Variants in DNAJB5 observed in about 807,000 individuals in gnomAD.
The protein encoded by DNAJB5 is dnaJ homolog subfamily B member 5.
In DNAJB5, 12 loss-of-function variants were observed where a neutral mutation model predicts 32.6. The ratio of observed to expected loss-of-function variants is 0.37; its 90% CI spans 0.24 to 0.60. The LOEUF (loss-of-function observed/expected upper bound fraction) is 0.60. DNAJB5 is among the 20% of genes least tolerant of loss of function. The pLI, the probability that DNAJB5 is intolerant of heterozygous loss-of-function variation, is 0.71. For synonymous variants in DNAJB5, 188 were observed against 212.9 expected (o/e 0.88, Z 1.02); for missense variants, 358 against 554.2 (o/e 0.65, Z 3.55).
In DNAJB5 at chr9:34,990,888, T is replaced by C; in HGVS notation, c.182+76T>C. On this transcript the variant is annotated intron_variant, in intron 2 of 4. Coordinates refer to ENST00000682809, the MANE Select transcript of DNAJB5 (RefSeq NM_001349723.3). The surrounding 1 kb of genome is among the most constrained non-coding windows in gnomAD (Gnocchi z 4.5). ...CACGCGGCCATCCCCTCCATTGCCT[T>C]CCTGCTTCCTCCAACTCATCCTCAT... 7.0e-7 allele frequency: 1 copy of C among 1,419,654 alleles called. No homozygotes were observed. The highest frequency in any genetic ancestry group is 9.4e-7 in the Non-Finnish European group (1 of 1,058,886). 87.9% of individuals were successfully genotyped at this position (1,419,654 alleles called of 1,614,324 possible). A position where few individuals can be genotyped will look rare whatever the true frequency, so the allele number is the denominator to read the frequency against.
chr9:34,992,786 C>A, intron 2 of DNAJB5: 1 of 1,018,520 alleles, frequency 9.8e-7, no homozygotes, highest in Non-Finnish European at 1.2e-6. Flanking sequence ...TGAGGCGTGG[C>A]GTAGGAGACC....
Position 34,990,245 on chromosome 9 carries a change from G to T in DNAJB5, c.-132-254G>T. On this transcript the variant is annotated intron_variant, in intron 1 of 4. Coordinates refer to ENST00000682809, the MANE Select transcript of DNAJB5 (RefSeq NM_001349723.3). This position sits in a 1 kb window ranked among gnomAD's most constrained non-coding sequence, Gnocchi z 4.5. ...TGCGAGGGAGGAGACTCCCGTCAGT[G>T]ACTTCATTGAGTAGGTTCTTGGGGA... 1 of 1,331,528 alleles carries T rather than the reference G, an allele frequency of 7.5e-7. No homozygotes were observed. The highest frequency in any genetic ancestry group is 9.8e-7 in the Non-Finnish European group (1 of 1,023,132). 82.5% of individuals were successfully genotyped at this position (1,331,528 alleles called of 1,614,324 possible).
In DNAJB5 at chr9:34,990,110, C is replaced by A; in HGVS notation, c.-133+279C>A. Reference sequence around the variant, plus strand: ...GCGGAGGCATCTGTGAGCAGACCAGCCAGCCAGCGCGGGTGACATCACCGA... The same window carrying A: ...GCGGAGGCATCTGTGAGCAGACCAGACAGCCAGCGCGGGTGACATCACCGA... On this transcript the variant is annotated intron_variant, in intron 1 of 4. Coordinates refer to ENST00000682809, the MANE Select transcript of DNAJB5 (RefSeq NM_001349723.3). The surrounding 1 kb of genome is among the most constrained non-coding windows in gnomAD (Gnocchi z 4.5). The A allele has an allele frequency of 1.3e-6, 1 of 775,500 alleles. No individual in the cohort carries two copies. 48.0% of individuals were successfully genotyped at this position (775,500 alleles called of 1,614,324 possible).
chr9:34,991,304 G>C (rs1344464458), intron 2 of DNAJB5: 2 of 456,498 alleles, frequency 4.4e-6, no homozygotes, highest in Non-Finnish European at 4.4e-6. Flanking sequence ...CCTGTGGGTA[G>C]GGGGGAAGGG....
chr9:34,992,272 G>C (rs999655477), intron 2 of DNAJB5: 9 of 152,322 alleles, frequency 5.9e-5, no homozygotes, highest in Non-Finnish European at 1.3e-4. Context: ...TGGGTCTGAT[G>C]ATGGGCCGGA....
Position 34,993,277 on chromosome 9 carries a change from C to G in DNAJB5, c.260C>G (p.Ala87Gly). 1 of 1,614,104 alleles carries G rather than the reference C, an allele frequency of 6.2e-7. No individual in the cohort carries two copies. The highest frequency in any genetic ancestry group is 8.5e-7 in the Non-Finnish European group (1 of 1,180,012). The change falls in exon 3 of 5, where the codon GCC (alanine) becomes GGC (glycine). Residue 87 changes from alanine to glycine, a missense_variant. Transcript: ENST00000682809. The surrounding 1 kb of genome is among the most constrained non-coding windows in gnomAD (Gnocchi z 4.7). ...YYKILGIPSG[A>G]NEDEIKKAYR... Reference sequence around the variant, plus strand: ...AAGATTCTTGGGATCCCATCGGGGGCCAACGAGGATGAGATCAAGAAAGCC... The same window carrying G: ...AAGATTCTTGGGATCCCATCGGGGGGCAACGAGGATGAGATCAAGAAAGCC...
rs1218067084 is a variant in DNAJB5, at chr9:34,990,150, C to T, written c.-133+319C>T. The T allele has an allele frequency of 1.3e-6, 1 of 789,566 alleles. No individual in the cohort carries two copies. The highest frequency in any genetic ancestry group is 1.8e-5 in the African/African-American group (1 of 56,776). 48.9% of individuals were successfully genotyped at this position (789,566 alleles called of 1,614,324 possible). A position where few individuals can be genotyped will look rare whatever the true frequency, so the allele number is the denominator to read the frequency against. ...GACATCACCGACCACCCTCCCCCGC[C>T]CGAGCCCCCTCCCCTCCTCTCCTCG... is the stretch of plus-strand genomic sequence containing the variant. On this transcript the variant is annotated intron_variant, in intron 1 of 4. Coordinates refer to ENST00000682809, the MANE Select transcript of DNAJB5 (RefSeq NM_001349723.3). This position sits in a 1 kb window ranked among gnomAD's most constrained non-coding sequence, Gnocchi z 4.5.
Position 34,993,501 on chromosome 9 carries a change from G to C in DNAJB5, c.427+57G>C. ...ACCCCTCCGCTTGGTAGGGGTCCCA[G>C]GTGCACCAGTTTGTGTAGCGGGGAA... On this transcript the variant is annotated intron_variant, in intron 3 of 4. Transcript: ENST00000682809. The surrounding 1 kb of genome is among the most constrained non-coding windows in gnomAD (Gnocchi z 4.7). 1 of 1,563,668 alleles carries C rather than the reference G, an allele frequency of 6.4e-7. No homozygotes were observed. Among genetic ancestry groups the C allele is most frequent in the Non-Finnish European group, 8.6e-7 (1 of 1,160,804 alleles).
chr9:34,996,008 T>C lies in DNAJB5; in HGVS notation c.428-257T>C, dbSNP rs1279928760. On this transcript the variant is annotated intron_variant, in intron 3 of 4. Transcript: ENST00000682809. The surrounding 1 kb of genome is among the most constrained non-coding windows in gnomAD (Gnocchi z 7.2). ...TGGAAGTCACATCCTCTAAGTCCTC[T>C]AGTCCTGGCTTTTCCACCTATTGGG... Among the ~76,000 whole-genome samples, 1 of 152,224 alleles carries C rather than the reference T, an allele frequency of 6.6e-6. No homozygotes were observed. Among genetic ancestry groups the C allele is most frequent in the Non-Finnish European group, 1.5e-5 (1 of 68,044 alleles).
At chr9:34,991,088 A>T (rs1359311501) in intron 2 of DNAJB5, 7 of 497,298 alleles carry the variant, frequency 1.4e-5, no homozygotes, top group Non-Finnish European at 2.6e-5. Flanking sequence ...CCCATTTTCC[A>T]CCTCAGCCAT....
intron 2 of DNAJB5, chr9:34,992,525 C>G (rs979015578): frequency 6.6e-6 from 1 of 152,360 alleles, no homozygotes; most frequent in Non-Finnish European, 1.5e-5. Context: ...GTGTCGCCCC[C>G]CCTGCTAATG....
chr9:34,992,858 T>C, intron 2 of DNAJB5: 1 of 1,112,328 alleles, frequency 9.0e-7, no homozygotes, highest in East Asian at 6.3e-5. Context: ...TGTGGGTCGC[T>C]CAGTCCATGG....
Position 34,996,161 on chromosome 9 carries a change from CTTCT to C in DNAJB5, c.428-97_428-94del. ...CCCTCTCTGTGGGATTTAAAGGTTG[CTTCT>C]TTCTTTAAGCCTGTGAACTGGGAGC... On this transcript the variant is annotated intron_variant, in intron 3 of 4. Transcript: ENST00000682809. The surrounding 1 kb of genome is among the most constrained non-coding windows in gnomAD (Gnocchi z 7.2). The C allele has an allele frequency of 2.0e-6, 3 of 1,463,490 alleles. No homozygotes were observed. Among genetic ancestry groups the C allele is most frequent in the Non-Finnish European group, 1.8e-6 (2 of 1,100,934 alleles). 90.7% of individuals were successfully genotyped at this position (1,463,490 alleles called of 1,614,324 possible).
chr9:34,991,494 G>A (rs976240788), intron 2 of DNAJB5: 7 of 452,334 alleles, frequency 1.5e-5, no homozygotes, highest in African/African-American at 2.0e-5. Flanking sequence ...TTGGTGAGCC[G>A]TTCCACTGGC....
Position 34,997,331 on chromosome 9 carries a change from G to A in DNAJB5, c.*72G>A, listed in dbSNP as rs910724675. ...ACTCACTCCACTCAATGTGCACCCAGCTTGATGTCCACTGGACACTGGCAA... is the reference window on the plus strand; with the variant it reads ...ACTCACTCCACTCAATGTGCACCCAACTTGATGTCCACTGGACACTGGCAA... On this transcript the variant is annotated 3_prime_UTR_variant, in exon 5 of 5. Coordinates refer to ENST00000682809, the MANE Select transcript of DNAJB5 (RefSeq NM_001349723.3). The surrounding 1 kb of genome is among the most constrained non-coding windows in gnomAD (Gnocchi z 4.1). 4.0e-6 allele frequency: 6 copies of A among 1,482,460 alleles called. No individual in the cohort carries two copies. The African/African-American group carries it at 8.3e-5, about 21-fold the overall frequency. 91.8% of individuals were successfully genotyped at this position (1,482,460 alleles called of 1,614,324 possible). A position where few individuals can be genotyped will look rare whatever the true frequency, so the allele number is the denominator to read the frequency against.
Position 34,989,790 on chromosome 9 carries a change from G to A in DNAJB5, c.-174G>A, listed in dbSNP as rs912942982. On this transcript the variant is annotated 5_prime_UTR_variant, in exon 1 of 5. Transcript: ENST00000682809. Reference sequence around the variant, plus strand: ...AGCCGGAGCCGGGGGAGGGGGCAGCGGCTGTCTCACGGACCACGGCGGCGC... The same window carrying A: ...AGCCGGAGCCGGGGGAGGGGGCAGCAGCTGTCTCACGGACCACGGCGGCGC... 1 of 1,231,524 alleles carries A rather than the reference G, an allele frequency of 8.1e-7. No homozygotes were observed. The highest frequency in any genetic ancestry group is 1.0e-6 in the Non-Finnish European group (1 of 987,722). 76.3% of individuals were successfully genotyped at this position (1,231,524 alleles called of 1,614,324 possible).
At position 34,990,928 on chromosome 9, in the gene DNAJB5, A is replaced by C. The variant is rs549110562; in HGVS notation, c.182+116A>C. 3 of 1,089,660 alleles carry C rather than the reference A, an allele frequency of 2.8e-6. No individual in the cohort carries two copies. Among genetic ancestry groups the C allele is most frequent in the African/African-American group, 1.6e-5 (1 of 63,134 alleles). 67.5% of individuals were successfully genotyped at this position (1,089,660 alleles called of 1,614,324 possible). A position where few individuals can be genotyped will look rare whatever the true frequency, so the allele number is the denominator to read the frequency against. ...CTCATCCTCATCCCCTCTGTGACAT[A>C]CAGGAACCCCCCTCCGGCCTCACCC... On this transcript the variant is annotated intron_variant, in intron 2 of 4. Transcript: ENST00000682809. This position sits in a 1 kb window ranked among gnomAD's most constrained non-coding sequence, Gnocchi z 4.5.
At position 34,990,951 on chromosome 9, in the gene DNAJB5, C is replaced by A. The variant is rs1379399760; in HGVS notation, c.182+139C>A. ...ATACAGGAACCCCCCTCCGGCCTCA[C>A]CCACATATTTGAATGAATTGCACCC... is the stretch of plus-strand genomic sequence containing the variant. On this transcript the variant is annotated intron_variant, in intron 2 of 4. Transcript: ENST00000682809. The surrounding 1 kb of genome is among the most constrained non-coding windows in gnomAD (Gnocchi z 4.5). 2 of 860,080 alleles carry A rather than the reference C, an allele frequency of 2.3e-6. No homozygotes were observed. The highest frequency in any genetic ancestry group is 3.5e-6 in the Non-Finnish European group (2 of 572,878). The allele number at this position is 860,080 out of a possible 1,614,324, so 53.3% of individuals were successfully genotyped here. A position where few individuals can be genotyped will look rare whatever the true frequency, so the allele number is the denominator to read the frequency against.
Position 34,990,307 on chromosome 9 carries a change from GCTCA to G in DNAJB5, c.-132-189_-132-186del. ...TCCTCCCCAGTGAGAGGCGACAGGA[GCTCA>G]CTGCCTCTCGGGCCCTCACAATCAC... On this transcript the variant is annotated intron_variant, in intron 1 of 4. Coordinates refer to ENST00000682809, the MANE Select transcript of DNAJB5 (RefSeq NM_001349723.3). The surrounding 1 kb of genome is among the most constrained non-coding windows in gnomAD (Gnocchi z 4.5). 7.0e-7 allele frequency: 1 copy of G among 1,433,030 alleles called. No individual in the cohort carries two copies. The highest frequency in any genetic ancestry group is 9.2e-7 in the Non-Finnish European group (1 of 1,082,610). The allele number at this position is 1,433,030 out of a possible 1,614,324, so 88.8% of individuals were successfully genotyped here.
Sources: allele counts gnomAD v4.1 joint callset (sites outside exome capture counted in the v4.1 genomes callset), GRCh38; gene constraint gnomAD v4.1.1; non-coding constraint Gnocchi (gnomAD v3.1); transcripts MANE v1.5; gene names NCBI Gene and HGNC (gene_info 2026-07-23, HGNC 2026-07-21).